The following VWF variants were observed in gnomAD, a reference collection of about 807,000 sequenced individuals.
VWF encodes the protein Factor VIII related antigen.
VWF carries 176 observed loss-of-function variants against 308.6 expected under a neutral mutation model. The ratio of observed to expected loss-of-function variants is 0.57; its 90% confidence interval spans 0.50 to 0.65. The LOEUF (loss-of-function observed/expected upper bound fraction) is 0.65. VWF is among the 30% of genes least tolerant of loss of function. The pLI, the probability that VWF is intolerant of heterozygous loss-of-function variation, is 0.00. For missense variants in VWF, 3,146 were observed against 3,648.2 expected, an observed-to-expected ratio of 0.86 and a Z score of 3.55; for synonymous variants, 1,385 against 1,443.4, an observed-to-expected ratio of 0.96 and a Z score of 0.92.
At chr12:6,115,409 A>G (rs1945352133) in intron 3 of VWF, among the ~76,000 whole-genome samples, 1 of 152,202 alleles carries the variant, frequency 6.6e-6, no homozygotes, top group Non-Finnish European at 1.5e-5. Context: ...AGCAGGAAGA[A>G]TCTAAATAAG....
At chr12:6,078,066 T>C (rs4764535) in intron 6 of VWF, among the ~76,000 whole-genome samples, 20,169 of 152,020 alleles carry the variant, frequency 0.13, 1,899 homozygotes, top group African/African-American at 0.26. Context: ...ATCTTCATCA[T>C]CTCCTGGCCT....
rs1945208365 is a variant in VWF, at chr12:6,103,551, C to CATATGTGT, written c.532+6822_532+6823insACACATAT. Among the ~76,000 whole-genome samples the CATATGTGT allele has an allele frequency of 2.2e-5, 2 of 91,988 alleles. 1 individual carries two copies. Among genetic ancestry groups the CATATGTGT allele is most frequent in the African/African-American group, 5.3e-4 (2 of 3,788 alleles). The allele number at this position is 91,988 out of a possible 152,430, so 60.3% of individuals were successfully genotyped here. ...GTATATACACATATATGTATACACA[C>CATATGTGT]ACACACACACACACACACACACACA... is the stretch of plus-strand genomic sequence containing the variant. On this transcript the variant is annotated intron_variant, in intron 5 of 51. Transcript: ENST00000261405.
intron 5 of VWF, among the ~76,000 whole-genome samples, chr12:6,102,683 C>T (rs1008096315): frequency 6.6e-6 from 1 of 151,314 alleles, no homozygotes; most frequent in Non-Finnish European, 1.5e-5. Flanking sequence ...TGCAGTGAGC[C>T]GAGATTGTGC....
intron 18 of VWF, among the ~76,000 whole-genome samples, chr12:6,042,207 C>G (rs547957882): frequency 4.6e-5 from 7 of 152,274 alleles, no homozygotes; most frequent in South Asian, 4.1e-4. Context: ...TTCTGCCCCC[C>G]GCAGATCTGC....
chr12:6,123,974 C>T (rs571199778), intron 1 of VWF, among the ~76,000 whole-genome samples: 1 of 152,138 alleles, frequency 6.6e-6, no homozygotes, highest in Non-Finnish European at 1.5e-5. Flanking sequence ...GCCTGAGATT[C>T]ACTGGGGGTG....
chr12:6,069,668 G>A (rs1296971213), intron 10 of VWF, among the ~76,000 whole-genome samples: 1 of 152,236 alleles, frequency 6.6e-6, no homozygotes, highest in Non-Finnish European at 1.5e-5. Context: ...GATGGTCAGA[G>A]CCAGGGCTTT....
chr12:5,949,909 T>G, intron 50 of VWF, 26 bp from the exon 51 acceptor site: 1 of 1,606,244 alleles, frequency 6.2e-7, no homozygotes, highest in Non-Finnish European at 8.5e-7. Context: ...GAGATGAAAC[T>G]TGAGGACTGG....
At chr12:6,039,735 G>A (rs912870358) in intron 18 of VWF, among the ~76,000 whole-genome samples, 8 of 152,162 alleles carry the variant, frequency 5.3e-5, no homozygotes, top group African/African-American at 1.9e-4. Flanking sequence ...GCCCACATGT[G>A]AGGCCGCCTC....
intron 6 of VWF, among the ~76,000 whole-genome samples, chr12:6,078,999 TC>T (rs1409277760): frequency 6.6e-6 from 1 of 152,196 alleles, no homozygotes; most frequent in African/African-American, 2.4e-5. Flanking sequence ...CCACCTCCCT[TC>T]TTAGAACAAT....
chr12:6,114,092 T>C (rs1263342477), intron 3 of VWF, among the ~76,000 whole-genome samples: 1 of 152,074 alleles, frequency 6.6e-6, no homozygotes, highest in African/African-American at 2.4e-5. Flanking sequence ...ACTCAACCAA[T>C]ATGTCACCTC....
intron 34 of VWF, among the ~76,000 whole-genome samples, chr12:6,009,935 A>G (rs1294354991): frequency 6.6e-6 from 1 of 152,246 alleles, no homozygotes; most frequent in Non-Finnish European, 1.5e-5. Context: ...CGTCAAATTC[A>G]TAGAAGCAAA....
At chr12:6,061,825 A>G (rs538058524) in intron 13 of VWF, among the ~76,000 whole-genome samples, 1 of 152,356 alleles carries the variant, frequency 6.6e-6, no homozygotes, top group South Asian at 2.1e-4. Context: ...ACAAGTATAG[A>G]GTGGAATTTT....
chr12:5,959,347 G>C (rs890219180), intron 47 of VWF, among the ~76,000 whole-genome samples: 4 of 152,194 alleles, frequency 2.6e-5, no homozygotes, highest in Non-Finnish European at 5.9e-5. Flanking sequence ...GAACTAAAGG[G>C]AGAAATAGGC....
In VWF at chr12:6,016,120, C is replaced by A; in HGVS notation, c.5424G>T (p.Val1808=). ...ILVTDVSVDS[V]DAAADAARSN... ...ACCTGGCGGCATCAGCTGCTGCATCCACTGAATCCACAGAGACGTCCGTGA... is the reference window on the plus strand; with the variant it reads ...ACCTGGCGGCATCAGCTGCTGCATCAACTGAATCCACAGAGACGTCCGTGA... The change falls in exon 31 of 52, where the codon GTG becomes GTT. Residue 1808 remains valine (V), a synonymous_variant. Coordinates refer to ENST00000261405, the MANE Select transcript of VWF (RefSeq NM_000552.5). The A allele has an allele frequency of 6.2e-7, 1 of 1,614,200 alleles. No homozygotes were observed.
intron 3 of VWF, among the ~76,000 whole-genome samples, chr12:6,120,742 A>G (rs928276362): frequency 3.3e-5 from 5 of 152,210 alleles, no homozygotes; most frequent in Admixed American, 6.5e-5. Context: ...TGGCAGGGAC[A>G]GTACCAGCCC....
chr12:5,993,660 T>TAC (rs200638456), intron 37 of VWF, among the ~76,000 whole-genome samples: 14 of 129,462 alleles, frequency 1.1e-4, no homozygotes, highest in East Asian at 6.9e-4. Flanking sequence ...TATATATATA[T>TAC]ATATACACAC....
At chr12:5,953,392 C>T (rs986919425) in intron 48 of VWF, 104 bp downstream of exon 48, 3 of 830,194 alleles carry the variant, frequency 3.6e-6, no homozygotes, top group Middle Eastern at 3.0e-4. Context: ...GAAAAAGAAG[C>T]CAATACTGAA....
Position 5,971,627 on chromosome 12 carries a change from C to T in VWF, c.7520G>A (p.Arg2507Gln), listed in dbSNP as rs762748393. ...CTTCCAGGAAGACTGGGAGTCCCCC[C>T]GCGGTGAGCCAGTCACCACCTCACA... ...SACEVVTGSPRGDSQSSWKSV... is the reference protein window; with the variant it reads ...SACEVVTGSPQGDSQSSWKSV... Residue 2507 changes from arginine (R) to glutamine (Q), a missense_variant, in exon 44 of 52, where the codon CGG (arginine) becomes CAG (glutamine). Around this residue, in one of 3 missense-constraint regions of VWF, gnomAD observed 989 missense variants for 1,117.4 expected, o/e 0.89. Transcript: ENST00000261405. 8 of 1,614,156 alleles carry T rather than the reference C, an allele frequency of 5.0e-6. No individual in the cohort carries two copies. The highest frequency in any genetic ancestry group is 2.2e-5 in the South Asian group (2 of 91,086).
rs892419468 is a variant in VWF at position 6,012,032 on chromosome 12, A to G, written c.5664+55T>C. 1.6e-5 allele frequency: 25 copies of G among 1,596,472 alleles called. No individual in the cohort carries two copies. In the African/African-American group the frequency reaches 3.1e-4, roughly 20 times the overall value. On this transcript the variant is annotated intron_variant, in intron 33 of 51. Transcript: ENST00000261405. The stretch of plus-strand genomic sequence containing the variant: ...GAGGAAAAATTAACCAGTGGGAACA[A>G]GAGCCCCAAACACATCTCTAACCTT...
Sources: gnomAD v4.1 joint callset for allele counts (sites outside exome capture counted in the v4.1 genomes callset) on GRCh38, gnomAD v4.1.1 for gene constraint, gnomAD v4.1.1 regional missense constraint, MANE v1.5 for transcripts, NCBI Gene and HGNC (gene_info 2026-07-23, HGNC 2026-07-21) for gene names.